PUM2: variants seen among roughly 807,000 people sequenced by gnomAD.
PUM2 encodes pumilio RNA binding family member 2.
PUM2 carries 57 observed loss-of-function variants against 124.5 expected under a neutral mutation model. That is an observed-to-expected ratio of 0.46 (90% CI 0.37 to 0.57). The LOEUF is 0.57. Among genes scored for constraint, PUM2 ranks in the 20% least tolerant of loss-of-function variants. The pLI is 0.00. For synonymous variants in PUM2, 460 were observed against 446.1 expected (o/e 1.03, Z -0.39); for missense variants, 1,065 against 1,290.6 (o/e 0.83, Z 2.68).
rs547749134 is a variant in PUM2 at position 20,333,246 on chromosome 2, G to A, written c.-18-5868C>T. ...TATTTACTAGTGCATAATCCAAAATGTCAACAACTGAGCACAGTGGCTCAT... is the reference window on the plus strand; with the variant it reads ...TATTTACTAGTGCATAATCCAAAATATCAACAACTGAGCACAGTGGCTCAT... On this transcript the variant is annotated intron_variant, in intron 1 of 20. Transcript: ENST00000361078. 8.5e-4 allele frequency among the ~76,000 whole-genome samples: 129 copies of A among 152,270 alleles called. 1 individual carries two copies. Among genetic ancestry groups the A allele is most frequent in the African/African-American group, 3.1e-3 (127 of 41,564 alleles).
At chr2:20,255,040 C>A in intron 18 of PUM2, 56 bp from the exon 19 acceptor site, 2 of 1,554,070 alleles carry the variant, frequency 1.3e-6, no homozygotes, top group South Asian at 2.3e-5. Flanking sequence ...GAATGATATT[C>A]TTTAAAGACA....
At chr2:20,329,860 T>C (rs1156727064) in intron 1 of PUM2, among the ~76,000 whole-genome samples, 1 of 152,110 alleles carries the variant, frequency 6.6e-6, no homozygotes. Context: ...TACCAAAAAG[T>C]GTAACTTACA....
chr2:20,305,066 T>C (rs1677892361), intron 7 of PUM2, among the ~76,000 whole-genome samples: 1 of 152,188 alleles, frequency 6.6e-6, no homozygotes, highest in African/African-American at 2.4e-5. Context: ...GGGGTCAATT[T>C]TGATACACTA....
At chr2:20,263,153 T>A in intron 14 of PUM2, 40 bp downstream of exon 14, 3 of 1,529,722 alleles carry the variant, frequency 2.0e-6, no homozygotes, top group Non-Finnish European at 2.7e-6. Context: ...GCAGCAATTT[T>A]CAAAGCAAAA....
At chr2:20,277,082 T>C (rs1670440461) in intron 13 of PUM2, among the ~76,000 whole-genome samples, 1 of 152,116 alleles carries the variant, frequency 6.6e-6, no homozygotes, top group African/African-American at 2.4e-5. Flanking sequence ...ACCTATTTAC[T>C]GCCATTTATA....
chr2:20,279,555 CTCAAGGCTGA>C (rs1014636621), intron 12 of PUM2, among the ~76,000 whole-genome samples: 1 of 152,214 alleles, frequency 6.6e-6, no homozygotes, highest in Admixed American at 6.5e-5. Flanking sequence ...GAGCCCCTTA[CTCAAGGCTGA>C]TCAGGTTTTT....
At chr2:20,334,754 T>C (rs891411818) in intron 1 of PUM2, among the ~76,000 whole-genome samples, 1 of 152,202 alleles carries the variant, frequency 6.6e-6, no homozygotes, top group Admixed American at 6.5e-5. Flanking sequence ...CAACACAAAA[T>C]GACTAATGAT....
intron 7 of PUM2, among the ~76,000 whole-genome samples, chr2:20,306,255 T>C (rs933807522): frequency 6.6e-6 from 1 of 152,130 alleles, no homozygotes; most frequent in African/African-American, 2.4e-5. Flanking sequence ...TGATGCTTGA[T>C]GGCATAAAGA....
At chr2:20,282,005 A>G (rs575063259) in intron 12 of PUM2, among the ~76,000 whole-genome samples, 1 of 152,364 alleles carries the variant, frequency 6.6e-6, no homozygotes, top group East Asian at 1.9e-4. Context: ...ATGTGGTAAG[A>G]AAAGAGATCA....
At chr2:20,284,553 TC>T in intron 10 of PUM2, among the ~76,000 whole-genome samples, 1 of 152,090 alleles carries the variant, frequency 6.6e-6, no homozygotes, top group African/African-American at 2.4e-5. Context: ...AAATAGGGCC[TC>T]ACTATGTTGC....
intron 13 of PUM2, among the ~76,000 whole-genome samples, chr2:20,273,197 G>A (rs1009081786): frequency 2.0e-5 from 3 of 152,194 alleles, no homozygotes; most frequent in East Asian, 1.9e-4. Context: ...TCAGTGGGAC[G>A]AAACTATTTT....
chr2:20,281,377 T>C (rs765141772), intron 12 of PUM2, among the ~76,000 whole-genome samples: 2 of 152,032 alleles, frequency 1.3e-5, no homozygotes, highest in African/African-American at 2.4e-5. Context: ...AAGAAACAAA[T>C]GGAAATTTGA....
rs1379141168 is a variant in PUM2, at chr2:20,282,945, A to T, written c.1720+2T>A. 6.2e-7 allele frequency: 1 copy of T among 1,612,306 alleles called. No homozygotes were observed. The highest frequency in any genetic ancestry group is 1.7e-5 in the Admixed American group (1 of 59,590). On this transcript the variant is annotated splice_donor_variant, in intron 12 of 20. Coordinates refer to ENST00000361078, the MANE Select transcript of PUM2 (RefSeq NM_015317.5). LOFTEE classifies it high-confidence loss of function. Reference sequence around the variant, plus strand: ...GTACACTCATCGTAAAAACAAACTTACCTGATGAACCAAATCCACTGAGGG... The same window carrying T: ...GTACACTCATCGTAAAAACAAACTTTCCTGATGAACCAAATCCACTGAGGG...
At chr2:20,323,580 T>C (rs1360183153) in intron 2 of PUM2, among the ~76,000 whole-genome samples, 1 of 152,098 alleles carries the variant, frequency 6.6e-6, no homozygotes, top group Non-Finnish European at 1.5e-5. Context: ...AACATTCAAC[T>C]GATTTCAAAT....
intron 10 of PUM2, among the ~76,000 whole-genome samples, chr2:20,286,020 A>G (rs1274067315): frequency 6.6e-6 from 1 of 152,188 alleles, no homozygotes; most frequent in Non-Finnish European, 1.5e-5. Context: ...GTACGACTGA[A>G]AGAGAGACGG....
At chr2:20,261,784 T>C (rs1056404042) in intron 14 of PUM2, among the ~76,000 whole-genome samples, 7 of 152,294 alleles carry the variant, frequency 4.6e-5, no homozygotes, top group Non-Finnish European at 7.4e-5. Context: ...AGAATAAGCA[T>C]ACAAAGGAAA....
intron 1 of PUM2, among the ~76,000 whole-genome samples, chr2:20,345,096 T>C (rs1687995707): frequency 6.6e-6 from 1 of 150,714 alleles, no homozygotes. Context: ...TTTCTTTTTT[T>C]TTTTTTTGCG....
chr2:20,316,633 C>A (rs1681006272), intron 3 of PUM2, among the ~76,000 whole-genome samples: 1 of 152,136 alleles, frequency 6.6e-6, no homozygotes, highest in African/African-American at 2.4e-5. Context: ...ATGGGCCGAA[C>A]AAGGTGGCTC....
At chr2:20,321,334 G>A (rs1682304014) in intron 2 of PUM2, among the ~76,000 whole-genome samples, 1 of 152,128 alleles carries the variant, frequency 6.6e-6, no homozygotes, top group Non-Finnish European at 1.5e-5. Context: ...TACCTGGGCT[G>A]GGAAGCGGGG....
Sources: gnomAD v4.1 joint callset for allele counts (sites outside exome capture counted in the v4.1 genomes callset) on GRCh38, gnomAD v4.1.1 for gene constraint, MANE v1.5 for transcripts, NCBI Gene and HGNC (gene_info 2026-07-23, HGNC 2026-07-21) for gene names.